The following PARP8 variants were observed in gnomAD, a reference collection of about 807,000 sequenced individuals.
PARP8 encodes the protein protein mono-ADP-ribosyltransferase PARP8.
Under a neutral mutation model 124.1 loss-of-function variants are expected in PARP8, and 51 were observed. That is an observed-to-expected ratio of 0.41 (90% CI 0.33 to 0.52). The LOEUF (loss-of-function observed/expected upper bound fraction) is 0.52, where lower values mean the gene tolerates loss of function less well. Among genes scored for constraint, PARP8 ranks in the 20% least tolerant of loss-of-function variants. The pLI, the probability that PARP8 is intolerant of heterozygous loss-of-function variation, is 0.21. For missense variants in PARP8, 860 were observed against 1,018.9 expected (o/e 0.84, Z 2.12); for synonymous variants, 391 against 361.5 (o/e 1.08, Z -0.93).
At chr5:50,701,519 T>TTTTCATA (rs1753591128) in intron 2 of PARP8, among the ~76,000 whole-genome samples, 1 of 152,152 alleles carries the variant, frequency 6.6e-6, no homozygotes, top group Non-Finnish European at 1.5e-5. Context: ...TTTTCATAAG[T>TTTTCATA]GGCATGCAAT....
chr5:50,688,959 C>T (rs903043978), intron 2 of PARP8, among the ~76,000 whole-genome samples: 1 of 151,226 alleles, frequency 6.6e-6, no homozygotes, highest in Non-Finnish European at 1.5e-5. Context: ...CTGAGTACTG[C>T]TTCCTTGTTT....
At chr5:50,761,697 C>T (rs1760562036) in intron 5 of PARP8, 124 bp from the exon 6 acceptor site, 1 of 574,030 alleles carries the variant, frequency 1.7e-6, no homozygotes, top group South Asian at 2.2e-5. Flanking sequence ...TTTTACTGCA[C>T]CAAGATGTTT....
chr5:50,838,431 TA>T (rs1368893182), intron 25 of PARP8, among the ~76,000 whole-genome samples: 10 of 152,062 alleles, frequency 6.6e-5, no homozygotes, highest in Non-Finnish European at 1.3e-4. Flanking sequence ...ATGCAAGACT[TA>T]TTAAACATTA....
chr5:50,809,499 C>T (rs1744208988), intron 14 of PARP8, among the ~76,000 whole-genome samples: 1 of 151,980 alleles, frequency 6.6e-6, no homozygotes, highest in Non-Finnish European at 1.5e-5. Context: ...TCTTTGTATA[C>T]ACATTGAGTT....
intron 3 of PARP8, among the ~76,000 whole-genome samples, chr5:50,753,453 T>TAAAC (rs1759480809): frequency 6.6e-6 from 1 of 152,134 alleles, no homozygotes; most frequent in Non-Finnish European, 1.5e-5. Context: ...AATATAATTG[T>TAAAC]TTTTATACCT....
chr5:50,734,259 G>A (rs1282574119), intron 2 of PARP8, among the ~76,000 whole-genome samples: 2 of 152,066 alleles, frequency 1.3e-5, no homozygotes, highest in Non-Finnish European at 2.9e-5. Context: ...GGGTTAGGAT[G>A]AGCATTGGGA....
At chr5:50,678,171 A>G (rs1750854188) in intron 2 of PARP8, among the ~76,000 whole-genome samples, 1 of 152,148 alleles carries the variant, frequency 6.6e-6, no homozygotes, top group South Asian at 2.1e-4. Flanking sequence ...CTATTACAAA[A>G]ATTATTAAGA....
At position 50,822,416 on chromosome 5, in the gene PARP8, G is replaced by C; in HGVS notation, c.1860+16G>C. ...AATGACACAAGTAAGTATGTCATCT[G>C]GTCTTGTACAGTATATTTTTAAAAT... On this transcript the variant is annotated intron_variant, in intron 17 of 25. Transcript: ENST00000281631. 6.4e-7 allele frequency: 1 copy of C among 1,569,514 alleles called. No homozygotes were observed. The highest frequency in any genetic ancestry group is 2.2e-5 in the East Asian group (1 of 44,514).
At chr5:50,704,108 G>T (rs1753878472) in intron 2 of PARP8, among the ~76,000 whole-genome samples, 1 of 151,878 alleles carries the variant, frequency 6.6e-6, no homozygotes, top group East Asian at 1.9e-4. Flanking sequence ...GTAAGAAATT[G>T]TCCAGCTTGT....
chr5:50,694,265 T>C (rs1579982595), intron 2 of PARP8, among the ~76,000 whole-genome samples: 1 of 152,206 alleles, frequency 6.6e-6, no homozygotes, highest in Admixed American at 6.5e-5. Context: ...CTCCTGCCAG[T>C]ACTCTCATGA....
Position 50,815,483 on chromosome 5 carries a change from G to A in PARP8, c.1627G>A (p.Val543Ile). ...LCVFAFQTLG[V>I]MNEAADEIAT... ...TGTGTTTGCTTTTCAAACCCTGGGA[G>A]TAATGAATGAAGCTGCTGATGAAAT... The change falls in exon 15 of 26, where the codon GTA becomes ATA. Residue 543 changes from valine (V) to isoleucine (I), a missense_variant. Physicochemically the swap from Val to Ile is conservative, Grantham distance 29. Around this residue, in one of 2 missense-constraint regions of PARP8, gnomAD observed 343 missense variants for 474.7 expected, o/e 0.72. Coordinates refer to ENST00000281631, the MANE Select transcript of PARP8 (RefSeq NM_024615.4). 6.3e-7 allele frequency: 1 copy of A among 1,599,310 alleles called. No homozygotes were observed. Among genetic ancestry groups the A allele is most frequent in the Non-Finnish European group, 8.5e-7 (1 of 1,173,550 alleles).
chr5:50,803,293 G>C (rs1743442299), intron 14 of PARP8, among the ~76,000 whole-genome samples: 1 of 152,174 alleles, frequency 6.6e-6, no homozygotes, highest in African/African-American at 2.4e-5. Flanking sequence ...TCTGGATTTT[G>C]ATGTGTCTAA....
chr5:50,814,335 AGTT>A (rs1361977181), intron 14 of PARP8, among the ~76,000 whole-genome samples: 1 of 151,592 alleles, frequency 6.6e-6, no homozygotes, highest in Admixed American at 6.6e-5. Context: ...TTAAAGGAAA[AGTT>A]GTTGAAATTG....
chr5:50,746,467 T>G (rs185050011), intron 2 of PARP8, among the ~76,000 whole-genome samples: 8 of 152,316 alleles, frequency 5.3e-5, no homozygotes, highest in African/African-American at 1.9e-4. Flanking sequence ...ACATAACATG[T>G]AAGCAATGGA....
intron 14 of PARP8, among the ~76,000 whole-genome samples, chr5:50,798,424 G>GT (rs748058229): frequency 0.062 from 8,484 of 135,910 alleles, 325 homozygotes; most frequent in African/African-American, 0.11. Flanking sequence ...TATTTTTTTT[G>GT]TTTTTTTTTT....
At chr5:50,754,306 A>G (rs998305547) in intron 3 of PARP8, among the ~76,000 whole-genome samples, 1 of 151,324 alleles carries the variant, frequency 6.6e-6, no homozygotes, top group Non-Finnish European at 1.5e-5. Context: ...TACATTAGGT[A>G]TATCTCCTAA....
intron 2 of PARP8, chr5:50,669,285 T>A (rs1372345124): frequency 1.3e-5 from 2 of 152,224 alleles, no homozygotes; most frequent in Non-Finnish European, 2.9e-5. Flanking sequence ...ATCTTTGTAA[T>A]TATGAATTAA....
intron 1 of PARP8, chr5:50,667,648 C>A: frequency 2.9e-6 from 2 of 699,532 alleles, no homozygotes; most frequent in East Asian, 2.7e-5. Flanking sequence ...AGCGCTCGGC[C>A]CATCTCCGGC....
At chr5:50,840,862 G>A (rs142900613) in intron 25 of PARP8, among the ~76,000 whole-genome samples, 1 of 151,954 alleles carries the variant, frequency 6.6e-6, no homozygotes, top group Non-Finnish European at 1.5e-5. Context: ...ACCATGAGGT[G>A]TCATTTCCAT....
Sources: gnomAD v4.1 joint callset for allele counts (sites outside exome capture counted in the v4.1 genomes callset) on GRCh38, gnomAD v4.1.1 for gene constraint, gnomAD v4.1.1 regional missense constraint, MANE v1.5 for transcripts, NCBI Gene and HGNC (gene_info 2026-07-23, HGNC 2026-07-21) for gene names.